Variants in SMARCA4 observed in about 807,000 individuals in gnomAD.
SMARCA4 encodes the protein SWI/SNF-related matrix-associated actin-dependent regulator of chromatin subfamily A member 4.
A neutral mutation model predicts 193.9 loss-of-function variants in SMARCA4; 31 were observed. The observed-to-expected ratio is 0.16, with a 90% CI of 0.12 to 0.22. The LOEUF (loss-of-function observed/expected upper bound fraction) is 0.22, where lower values mean the gene tolerates loss of function less well. Among genes scored for constraint, SMARCA4 ranks in the 10% least tolerant of loss-of-function variants. SMARCA4 has a pLI of 1.00. For missense variants in SMARCA4, 1,148 were observed against 2,296.0 expected (o/e 0.50, Z 10.22); for synonymous variants, 942 against 933.1 (o/e 1.01, Z -0.17).
intron 11 of SMARCA4, among the ~76,000 whole-genome samples, chr19:10,996,817 G>A (rs376868162): frequency 5.9e-5 from 9 of 152,206 alleles, no homozygotes; most frequent in African/African-American, 7.2e-5. Flanking sequence ...TGCAAGAACC[G>A]TCCAGAGATG....
rs759155328 is a variant in SMARCA4, at chr19:11,034,097, G to A, written c.3874-26G>A. ...CCGCCCACCCCGGCCCCTCCTCAGC[G>A]GCACTGACAGTTTGCAATCTTATAG... On this transcript the variant is annotated intron_variant, in intron 27 of 34. Coordinates refer to ENST00000344626, the MANE Select transcript of SMARCA4 (RefSeq NM_003072.5). The surrounding 1 kb of genome is among the most constrained non-coding windows in gnomAD (Gnocchi z 7.0). The A allele has an allele frequency of 2.8e-5, 45 of 1,597,394 alleles. No individual in the cohort carries two copies. Among genetic ancestry groups the A allele is most frequent in the Admixed American group, 1.2e-4 (7 of 59,990 alleles).
At chr19:11,001,254 A>G (rs1010900039) in intron 11 of SMARCA4, among the ~76,000 whole-genome samples, 5 of 152,062 alleles carry the variant, frequency 3.3e-5, no homozygotes, top group Non-Finnish European at 7.4e-5. Context: ...GGATTGCTTT[A>G]GTCCAGGAGT....
intron 1 of SMARCA4, among the ~76,000 whole-genome samples, chr19:10,981,421 A>G (rs775676577): frequency 7.9e-5 from 12 of 152,376 alleles, no homozygotes; most frequent in Non-Finnish European, 1.6e-4. Context: ...CCAGGGCGGC[A>G]TCTCATAATC....
intron 8 of SMARCA4, among the ~76,000 whole-genome samples, chr19:10,994,050 AT>A (rs1600058640): frequency 6.7e-6 from 1 of 148,166 alleles, no homozygotes; most frequent in African/African-American, 2.5e-5. Flanking sequence ...TATTATATTT[AT>A]TTTTTTGAGA....
At chr19:11,059,270 ATT>A in intron 32 of SMARCA4, 1 of 306,540 alleles carries the variant, frequency 3.3e-6, no homozygotes, top group Non-Finnish European at 6.2e-6. Context: ...CCTGGGGCAC[ATT>A]CTCTTCAAAG....
At chr19:11,011,467 C>T (rs1353352147) in intron 15 of SMARCA4, among the ~76,000 whole-genome samples, 5 of 152,148 alleles carry the variant, frequency 3.3e-5, no homozygotes, top group East Asian at 3.8e-4. Flanking sequence ...TCAGGTGATC[C>T]GCCCACCTTG....
chr19:10,966,911 G>T (rs2084269320), intron 1 of SMARCA4, among the ~76,000 whole-genome samples: 1 of 152,006 alleles, frequency 6.6e-6, no homozygotes, highest in African/African-American at 2.4e-5. Context: ...AAAAAAGCCG[G>T]GGGTTGGGAA....
intron 1 of SMARCA4, among the ~76,000 whole-genome samples, chr19:10,971,458 A>G (rs559589849): frequency 6.6e-6 from 1 of 150,568 alleles, no homozygotes; most frequent in Admixed American, 6.6e-5. Context: ...GATTAGATTT[A>G]TAGCACTTCC....
Position 11,059,910 on chromosome 19 carries a change from G to A in SMARCA4, c.4768+25G>A, listed in dbSNP as rs555107330. 30 of 1,613,632 alleles carry A rather than the reference G, an allele frequency of 1.9e-5. No individual in the cohort carries two copies. In the East Asian group the frequency reaches 2.0e-4, roughly 11 times the overall value. On this transcript the variant is annotated intron_variant, in intron 33 of 34. Coordinates refer to ENST00000344626, the MANE Select transcript of SMARCA4 (RefSeq NM_003072.5). ...TGTGAGTCCCGGGGGGGTTCAGGAC[G>A]CCGGGGTTCACGCTGGCCCGAGAGC...
intron 8 of SMARCA4, among the ~76,000 whole-genome samples, chr19:10,993,652 G>GTTTT (rs937078513): frequency 1.4e-4 from 21 of 146,432 alleles, no homozygotes; most frequent in Admixed American, 3.4e-4. Flanking sequence ...TGCTTAGTTT[G>GTTTT]TTTTTTTTTT....
At chr19:11,020,094 C>T (rs2089725801) in intron 18 of SMARCA4, among the ~76,000 whole-genome samples, 1 of 152,030 alleles carries the variant, frequency 6.6e-6, no homozygotes, top group Admixed American at 6.5e-5. Flanking sequence ...CCTGGCTTCT[C>T]ACCACAGGCC....
chr19:10,995,310 C>G (rs1037482129), intron 9 of SMARCA4: 2 of 556,072 alleles, frequency 3.6e-6, no homozygotes, highest in Non-Finnish European at 6.9e-6. Flanking sequence ...AGACCCCCGA[C>G]CCCTAGCATA....
intron 15 of SMARCA4, 93 bp downstream of exon 15, chr19:11,010,624 G>A (rs1296360804): frequency 1.6e-6 from 2 of 1,260,954 alleles, no homozygotes; most frequent in Non-Finnish European, 2.3e-6. Flanking sequence ...GCAGACCTGA[G>A]TTCACCTTTT....
Position 10,985,170 on chromosome 19 carries a change from T to C in SMARCA4, c.223-103T>C. The C allele has an allele frequency of 4.1e-6, 5 of 1,206,134 alleles. No homozygotes were observed. Among genetic ancestry groups the C allele is most frequent in the Non-Finnish European group, 6.1e-6 (5 of 816,524 alleles). The allele number at this position is 1,206,134 out of a possible 1,614,324, so 74.7% of individuals were successfully genotyped here. A position where few individuals can be genotyped will look rare whatever the true frequency, so the allele number is the denominator to read the frequency against. On this transcript the variant is annotated intron_variant, in intron 2 of 34. Transcript: ENST00000344626. This position sits in a 1 kb window ranked among gnomAD's most constrained non-coding sequence, Gnocchi z 4.5. Reference sequence around the variant, plus strand: ...TGGGGAGATGCGCGTCATCTTCGGGTGGCTGTTCTCGGTGCCCTCGAGCTT... The same window carrying C: ...TGGGGAGATGCGCGTCATCTTCGGGCGGCTGTTCTCGGTGCCCTCGAGCTT...
chr19:11,060,793 G>A (rs960435504), intron 34 of SMARCA4, among the ~76,000 whole-genome samples: 5 of 152,190 alleles, frequency 3.3e-5, no homozygotes, highest in African/African-American at 9.7e-5. Context: ...TGCCCCCACC[G>A]AAGGGCCTGG....
Position 11,060,152 on chromosome 19 carries a change from G to A in SMARCA4, c.4876G>A (p.Val1626Met), listed in dbSNP as rs757412819. Residue 1626 changes from valine to methionine, a missense_variant, in exon 34 of 35, where the codon GTG becomes ATG. Transcript: ENST00000344626. ...PSRGSRAKPV[V>M]SDDDSEEEQE... ...CCGAGGGTCCCGAGCCAAGCCGGTC[G>A]TGAGTGACGATGACAGTGAGGAGGA... is the stretch of plus-strand genomic sequence containing the variant. 1.9e-5 allele frequency: 30 copies of A among 1,551,098 alleles called. No homozygotes were observed. The highest frequency in any genetic ancestry group is 2.5e-5 in the Non-Finnish European group (29 of 1,146,716).
At chr19:11,040,928 ATAAGT>A (rs2075568288) in intron 29 of SMARCA4, 1 of 181,902 alleles carries the variant, frequency 5.5e-6, no homozygotes, top group African/African-American at 2.4e-5. Context: ...CTAAAAATAA[ATAAGT>A]AAATAAAAGA....
At position 10,986,788 on chromosome 19, in the gene SMARCA4, G is replaced by A; in HGVS notation, c.761-117G>A. The A allele has an allele frequency of 8.1e-7, 1 of 1,237,972 alleles. No homozygotes were observed. Among genetic ancestry groups the A allele is most frequent in the Non-Finnish European group, 1.2e-6 (1 of 858,834 alleles). The allele number at this position is 1,237,972 out of a possible 1,614,324, so 76.7% of individuals were successfully genotyped here. On this transcript the variant is annotated intron_variant, in intron 4 of 34. Transcript: ENST00000344626. This position sits in a 1 kb window ranked among gnomAD's most constrained non-coding sequence, Gnocchi z 6.7. ...TCCCCAGCTCCCCGCTTCCCCTGGG[G>A]CCGCTGGTTAATAGGTGTATCTGCT...
intron 13 of SMARCA4, among the ~76,000 whole-genome samples, chr19:11,006,998 G>T (rs552216074): frequency 6.6e-6 from 1 of 152,114 alleles, no homozygotes; most frequent in Non-Finnish European, 1.5e-5. Context: ...GAGGTGGGAG[G>T]ATCGCTTAAG....
Sources: gnomAD v4.1 joint callset for allele counts (sites outside exome capture counted in the v4.1 genomes callset) on GRCh38, gnomAD v4.1.1 for gene constraint, Gnocchi (gnomAD v3.1) non-coding constraint, MANE v1.5 for transcripts, NCBI Gene and HGNC (gene_info 2026-07-23, HGNC 2026-07-21) for gene names.